SDK1: variants seen among roughly 807,000 people sequenced by gnomAD.
SDK1 encodes the protein sidekick cell adhesion molecule 1.
Under a neutral mutation model 245.5 loss-of-function variants are expected in SDK1, and 157 were observed. The observed-to-expected ratio is 0.64, with a 90% CI of 0.56 to 0.73. SDK1 has a LOEUF of 0.73. SDK1 is among the 30% of genes least tolerant of loss of function. The probability of loss-of-function intolerance (pLI) is 0.00; values close to 1 mark genes in which losing one functional copy is unlikely to be tolerated. For missense variants in SDK1, 3,583 were observed against 3,002.3 expected (o/e 1.19, Z -4.52); for synonymous variants, 1,647 against 1,278.5 (o/e 1.29, Z -6.15).
intron 1 of SDK1, among the ~76,000 whole-genome samples, chr7:3,502,461 G>C (rs987382056): frequency 6.6e-6 from 1 of 152,086 alleles, no homozygotes; most frequent in Non-Finnish European, 1.5e-5. Flanking sequence ...TGTTGGCCAG[G>C]CTGATCTTGA....
intron 1 of SDK1, among the ~76,000 whole-genome samples, chr7:3,336,204 C>T (rs1222303567): frequency 6.6e-6 from 1 of 152,196 alleles, no homozygotes; most frequent in Non-Finnish European, 1.5e-5. Context: ...CCTTCCCAGG[C>T]TTCGAGAGCA....
intron 5 of SDK1, among the ~76,000 whole-genome samples, chr7:3,898,920 AT>A (rs923436879): frequency 2.0e-5 from 3 of 152,326 alleles, no homozygotes; most frequent in African/African-American, 7.2e-5. Flanking sequence ...AAATAAATGT[AT>A]TTTTAGCCTA....
intron 1 of SDK1, among the ~76,000 whole-genome samples, chr7:3,466,961 C>G (rs1442258443): frequency 7.5e-6 from 1 of 133,044 alleles, no homozygotes; most frequent in Non-Finnish European, 1.6e-5. Flanking sequence ...ACTTCGAAAT[C>G]TCTCTCCTCT....
chr7:3,603,877 G>C (rs1290660413), intron 1 of SDK1, among the ~76,000 whole-genome samples: 1 of 152,140 alleles, frequency 6.6e-6, no homozygotes, highest in African/African-American at 2.4e-5. Context: ...AATTTATTGA[G>C]AGTTTTAACA....
Position 4,236,654 on chromosome 7 carries a change from C to G in SDK1, c.5993-993C>G, listed in dbSNP as rs192717798. ...TTCACCCCGTGGCTGTTGGGAACCA[C>G]TGAGGATTTTAGGGGGGACAACTGA... On this transcript the variant is annotated intron_variant, in intron 41 of 44. Coordinates refer to ENST00000404826, the MANE Select transcript of SDK1 (RefSeq NM_152744.4). 2.7e-3 allele frequency among the ~76,000 whole-genome samples: 416 copies of G among 152,060 alleles called. 6 individuals are homozygous for G. Among genetic ancestry groups the G allele is most frequent in the African/African-American group, 8.3e-3 (343 of 41,466 alleles).
chr7:3,757,089 C>T (rs1165507945), intron 4 of SDK1, among the ~76,000 whole-genome samples: 1 of 152,094 alleles, frequency 6.6e-6, no homozygotes. Flanking sequence ...TGCAATTCAA[C>T]TGAATTACAA....
At chr7:3,882,082 G>A (rs530192853) in intron 5 of SDK1, among the ~76,000 whole-genome samples, 3 of 152,316 alleles carry the variant, frequency 2.0e-5, no homozygotes, top group African/African-American at 7.2e-5. Flanking sequence ...GCAGACAAGA[G>A]AGAAACGAGA....
At chr7:3,676,751 C>A (rs1296281570) in intron 4 of SDK1, among the ~76,000 whole-genome samples, 2 of 152,170 alleles carry the variant, frequency 1.3e-5, no homozygotes, top group Admixed American at 1.3e-4. Context: ...TCCCATTATC[C>A]TAGCAACATT....
rs551584251 is a variant in SDK1 at position 3,544,178 on chromosome 7, A to C, written c.299-74902A>C. Among the ~76,000 whole-genome samples, 3 of 152,326 alleles carry C rather than the reference A, an allele frequency of 2.0e-5. No individual in the cohort carries two copies. In the South Asian group the frequency reaches 6.2e-4, roughly 32 times the overall value. On this transcript the variant is annotated intron_variant, in intron 1 of 44. Transcript: ENST00000404826. ...GTGGAGACATGCTTGACTGCATATG[A>C]ATTTTCTAGTAGAGTTCTGTAAGAA... is the stretch of plus-strand genomic sequence containing the variant.
At chr7:3,726,205 C>G (rs1454921662) in intron 4 of SDK1, among the ~76,000 whole-genome samples, 2 of 152,200 alleles carry the variant, frequency 1.3e-5, no homozygotes, top group African/African-American at 4.8e-5. Context: ...TCATAAAACT[C>G]TTTACACTGC....
chr7:4,095,718 A>G (rs12701404), intron 22 of SDK1, among the ~76,000 whole-genome samples: 48,612 of 151,944 alleles, frequency 0.32, 9,431 homozygotes, highest in African/African-American at 0.55. Context: ...GATTGCAGGC[A>G]CTCGCCACCA....
chr7:3,446,308 C>T (rs1017510154), intron 1 of SDK1, among the ~76,000 whole-genome samples: 2 of 152,138 alleles, frequency 1.3e-5, no homozygotes, highest in Non-Finnish European at 2.9e-5. Flanking sequence ...AGTACATTAA[C>T]TTAGCTAAGG....
chr7:3,565,086 T>G (rs1031430446), intron 1 of SDK1, among the ~76,000 whole-genome samples: 1 of 151,864 alleles, frequency 6.6e-6, no homozygotes, highest in African/African-American at 2.4e-5. Context: ...AGGAAGTTGC[T>G]ACTACTGTCA....
chr7:3,583,853 G>A (rs552635919), intron 1 of SDK1, among the ~76,000 whole-genome samples: 1 of 152,202 alleles, frequency 6.6e-6, no homozygotes, highest in African/African-American at 2.4e-5. Flanking sequence ...CATTTCAAGT[G>A]GAGGGAACAA....
intron 1 of SDK1, among the ~76,000 whole-genome samples, chr7:3,452,517 T>G (rs1488359596): frequency 1.3e-5 from 2 of 152,194 alleles, no homozygotes; most frequent in Non-Finnish European, 2.9e-5. Flanking sequence ...GAACATGCAT[T>G]AATAACAAAT....
chr7:4,019,307 C>A (rs1026318148), intron 17 of SDK1, among the ~76,000 whole-genome samples: 1 of 152,204 alleles, frequency 6.6e-6, no homozygotes, highest in Non-Finnish European at 1.5e-5. Context: ...GCAGAACCAG[C>A]ACTGACATCC....
intron 16 of SDK1, among the ~76,000 whole-genome samples, chr7:4,013,104 A>G (rs983758888): frequency 1.3e-5 from 2 of 152,210 alleles, no homozygotes; most frequent in Admixed American, 1.3e-4. Flanking sequence ...AACAAAGGGC[A>G]GGGCTAACAC....
intron 25 of SDK1, among the ~76,000 whole-genome samples, chr7:4,125,401 T>C (rs1288906046): frequency 6.7e-6 from 1 of 149,274 alleles, no homozygotes; most frequent in Admixed American, 6.6e-5. Context: ...GATGGATGGA[T>C]AGATGGATGG....
intron 32 of SDK1, among the ~76,000 whole-genome samples, chr7:4,164,297 GC>G (rs1439713053): frequency 6.6e-6 from 1 of 152,174 alleles, no homozygotes; most frequent in African/African-American, 2.4e-5. Context: ...GGTGACTGTG[GC>G]CCTGAGAGGC....
Sources: gnomAD v4.1 joint callset for allele counts (sites outside exome capture counted in the v4.1 genomes callset) on GRCh38, gnomAD v4.1.1 for gene constraint, MANE v1.5 for transcripts, NCBI Gene and HGNC (gene_info 2026-07-23, HGNC 2026-07-21) for gene names.